Variants in IL7 observed in about 807,000 individuals in gnomAD.
IL7 encodes the protein interleukin-7.
IL7 carries 3 observed loss-of-function variants against 21.6 expected under a neutral mutation model. That is an observed-to-expected ratio of 0.14 (90% CI 0.06 to 0.36). The LOEUF (loss-of-function observed/expected upper bound fraction) is 0.36, where lower values mean the gene tolerates loss of function less well. Ranked by LOEUF, IL7 falls within the 10% of genes least tolerant of loss-of-function variation. The pLI is 1.00. For synonymous variants in IL7, 62 were observed against 68.1 expected, an observed-to-expected ratio of 0.91 and a Z score of 0.44; for missense variants, 175 against 200.2, an observed-to-expected ratio of 0.87 and a Z score of 0.76.
chr8:78,768,810 G>A (rs908521328), intron 2 of IL7, among the ~76,000 whole-genome samples: 1 of 152,114 alleles, frequency 6.6e-6, no homozygotes, highest in African/African-American at 2.4e-5. Context: ...ACCGAATCCA[G>A]CAGCACGTCA....
intron 2 of IL7, among the ~76,000 whole-genome samples, chr8:78,750,585 A>T (rs1020692562): frequency 6.6e-6 from 1 of 152,192 alleles, no homozygotes; most frequent in African/African-American, 2.4e-5. Context: ...GCACTTTGAG[A>T]GGCCAAGGCA....
chr8:78,746,754 T>C (rs1811992029), intron 2 of IL7: 1 of 300,622 alleles, frequency 3.3e-6, no homozygotes, highest in Non-Finnish European at 6.5e-6. Context: ...ACTGTATGCC[T>C]TTCTCTCTTT....
intron 3 of IL7, among the ~76,000 whole-genome samples, chr8:78,698,991 C>T (rs1379325432): frequency 6.6e-6 from 1 of 152,112 alleles, no homozygotes; most frequent in Non-Finnish European, 1.5e-5. Flanking sequence ...ACACTGGACT[C>T]TTTTCACGTT....
intron 4 of IL7, among the ~76,000 whole-genome samples, chr8:78,737,093 A>G (rs1298704177): frequency 1.3e-5 from 2 of 152,154 alleles, no homozygotes; most frequent in Admixed American, 6.5e-5. Context: ...AATTATTTGC[A>G]TATTTTCTTT....
At chr8:78,718,204 G>A (rs995737874) in intron 6 of IL7, 4 of 151,626 alleles carry the variant, frequency 2.6e-5, no homozygotes, top group Admixed American at 1.3e-4. Context: ...GTATGTATTC[G>A]TTGAACATAT....
intron 2 of IL7, chr8:78,746,804 A>G (rs999662589): frequency 5.9e-6 from 2 of 341,310 alleles, no homozygotes; most frequent in Admixed American, 4.1e-5. Flanking sequence ...TGACTGATAG[A>G]GAACTATTGC....
At chr8:78,752,831 G>A (rs1812219415) in intron 2 of IL7, among the ~76,000 whole-genome samples, 1 of 152,132 alleles carries the variant, frequency 6.6e-6, no homozygotes, top group Non-Finnish European at 1.5e-5. Flanking sequence ...ACTTAGGAGT[G>A]AGAACGTGCG....
intron 2 of IL7, among the ~76,000 whole-genome samples, chr8:78,782,061 C>T (rs1156250739): frequency 6.6e-6 from 1 of 152,142 alleles, no homozygotes; most frequent in Admixed American, 6.6e-5. Context: ...TTTTCAGCTC[C>T]ATCAGGTCAT....
At chr8:78,675,740 C>A, downstream of IL7, 2 of 1,473,684 alleles carry the variant, frequency 1.4e-6, no homozygotes, top group South Asian at 2.5e-5. Context: ...TGAAGTTTCA[C>A]AATTTCAAGT....
At chr8:78,770,858 A>G (rs928964312) in intron 2 of IL7, among the ~76,000 whole-genome samples, 1 of 152,094 alleles carries the variant, frequency 6.6e-6, no homozygotes, top group Non-Finnish European at 1.5e-5. Flanking sequence ...ACACATTATT[A>G]TAATTTAAGC....
intron 2 of IL7, chr8:78,761,414 G>A (rs41308457): frequency 0.014 from 23,084 of 1,611,822 alleles, 204 homozygotes; most frequent in South Asian, 0.03. Flanking sequence ...TTTCATTTTG[G>A]AAGAAAATCC....
At chr8:78,733,957 G>A in intron 5 of IL7, 125 bp from the exon 6 acceptor site, 1 of 637,684 alleles carries the variant, frequency 1.6e-6, no homozygotes, top group Non-Finnish European at 2.3e-6. Flanking sequence ...AGAATCCTGT[G>A]TGACATTTTA....
At chr8:78,687,645 TTTAC>T (rs1022632858) in intron 3 of IL7, among the ~76,000 whole-genome samples, 1 of 130,466 alleles carries the variant, frequency 7.7e-6, no homozygotes, top group African/African-American at 2.8e-5. Context: ...TATATATATA[TTTAC>T]GTAATACATT....
At chr8:78,715,423 A>G (rs1347114914), downstream of IL7, 55 of 1,158,258 alleles carry the variant, frequency 4.7e-5, no homozygotes, top group Non-Finnish European at 6.1e-5. Flanking sequence ...CAAGCTATTT[A>G]TAGAAAACCT....
At chr8:78,801,977 C>T (rs1274664303) in intron 1 of IL7, among the ~76,000 whole-genome samples, 1 of 152,202 alleles carries the variant, frequency 6.6e-6, no homozygotes, top group Non-Finnish European at 1.5e-5. Context: ...TCCCCACCAT[C>T]CTGAACTTTT....
chr8:78,678,658 A>G (rs553960961), intron 4 of IL7: 4 of 1,609,134 alleles, frequency 2.5e-6, no homozygotes, highest in Non-Finnish European at 3.4e-6. Flanking sequence ...ATATTCCAAC[A>G]GTAAAACCTC....
At chr8:78,798,973 GA>G (rs1345061904) in intron 1 of IL7, among the ~76,000 whole-genome samples, 1 of 151,946 alleles carries the variant, frequency 6.6e-6, no homozygotes, top group Non-Finnish European at 1.5e-5. Context: ...TCCCAATTAG[GA>G]GCAATTGTCT....
intron 2 of IL7, among the ~76,000 whole-genome samples, chr8:78,744,486 C>A (rs1426835315): frequency 6.6e-6 from 1 of 152,260 alleles, no homozygotes; most frequent in East Asian, 1.9e-4. Context: ...TGGCCTTCCC[C>A]TCTCCCTGGG....
chr8:78,776,574 T>C (rs1428815030), intron 2 of IL7, among the ~76,000 whole-genome samples: 1 of 152,108 alleles, frequency 6.6e-6, no homozygotes, highest in African/African-American at 2.4e-5. Flanking sequence ...TACAGGTTTT[T>C]ATTTGCATCT....
Sources: gnomAD v4.1 joint callset for allele counts (sites outside exome capture counted in the v4.1 genomes callset) on GRCh38, gnomAD v4.1.1 for gene constraint, MANE v1.5 for transcripts, NCBI Gene and HGNC (gene_info 2026-07-23, HGNC 2026-07-21) for gene names.